PIGZ: variants seen among roughly 807,000 people sequenced by gnomAD.
The protein encoded by PIGZ is phosphatidylinositol glycan anchor biosynthesis class Z (Gwada blood group).
Under a neutral mutation model 16.4 loss-of-function variants are expected in PIGZ, and 16 were observed. The ratio of observed to expected loss-of-function variants is 0.97; its 90% confidence interval spans 0.66 to 1.48. The LOEUF (loss-of-function observed/expected upper bound fraction) is 1.48, where lower values mean the gene tolerates loss of function less well. Ranked by LOEUF, PIGZ falls within the 40% of genes most tolerant of loss-of-function variation. The probability of loss-of-function intolerance (pLI) is 0.00; values close to 1 mark genes in which losing one functional copy is unlikely to be tolerated. For synonymous variants in PIGZ, 409 were observed against 338.4 expected (o/e 1.21, Z -2.29); for missense variants, 770 against 739.2 (o/e 1.04, Z -0.48).
At chr3:196,951,723 T>C (rs1219001353) in intron 2 of PIGZ, 98 bp downstream of exon 2, 8 of 1,173,660 alleles carry the variant, frequency 6.8e-6, no homozygotes, top group South Asian at 1.3e-5. Flanking sequence ...TTACTACTCA[T>C]CTACCCAGAC....
Position 196,948,411 on chromosome 3 carries a change from C to G in PIGZ, c.486G>C (p.Leu162=), listed in dbSNP as rs760414950. ...GADRWNALAL[L]SGSYVTLVFY... The stretch of plus-strand genomic sequence containing the variant: ...AGACCAGGGTGACGTAGGAACCAGA[C>G]AGCAGGGCCAGGGCGTTCCAGCGAT... Residue 162 remains leucine (L), a synonymous_variant, in exon 3 of 3, where the codon CTG becomes CTC. Transcript: ENST00000412723. 6 of 1,614,038 alleles carry G rather than the reference C, an allele frequency of 3.7e-6. No homozygotes were observed. In the East Asian group the frequency reaches 6.7e-5, roughly 18 times the overall value.
At chr3:196,966,239 T>C (rs578005957) in intron 1 of PIGZ, among the ~76,000 whole-genome samples, 1 of 152,378 alleles carries the variant, frequency 6.6e-6, no homozygotes, top group African/African-American at 2.4e-5. Flanking sequence ...CGTTGCTCTC[T>C]GTCACTTGTT....
intron 1 of PIGZ, among the ~76,000 whole-genome samples, chr3:196,953,553 C>T (rs1560184783): frequency 6.6e-6 from 1 of 152,200 alleles, no homozygotes; most frequent in African/African-American, 2.4e-5. Flanking sequence ...ACTCAAAGAG[C>T]AGTGACAATC....
chr3:196,949,778 C>T (rs918620130), intron 2 of PIGZ, among the ~76,000 whole-genome samples: 2 of 151,816 alleles, frequency 1.3e-5, no homozygotes, highest in Non-Finnish European at 2.9e-5. Context: ...GTGTGGGAGG[C>T]GGGCAGGTGG....
In PIGZ at chr3:196,948,525, C is replaced by T. The variant is rs766820626; in HGVS notation, c.372G>A (p.Ala124=). 1.3e-5 allele frequency: 21 copies of T among 1,610,842 alleles called. No individual in the cohort carries two copies. In the East Asian group the frequency reaches 2.7e-4, roughly 21 times the overall value. The change falls in exon 3 of 3, where the codon GCG becomes GCA. Residue 124 remains alanine (A), a synonymous_variant. Coordinates refer to ENST00000412723, the MANE Select transcript of PIGZ (RefSeq NM_025163.4). ...GGAGGAGTCGAGGCCCCACCAGCAG[C>T]GCATAGCCGCTCACCAGGCCAGGCC... ...GPWPGLVSGY[A]LLVGPRLLLT... is the part of the protein sequence containing the mutation.
In PIGZ at chr3:196,947,435, C is replaced by T. The variant is rs1716942048; in HGVS notation, c.1462G>A (p.Gly488Arg). 3.1e-6 allele frequency: 5 copies of T among 1,613,802 alleles called. No individual in the cohort carries two copies. The highest frequency in any genetic ancestry group is 4.2e-6 in the Non-Finnish European group (5 of 1,180,024). Residue 488 changes from glycine to arginine, a missense_variant, in exon 3 of 3, where the codon GGG (glycine) becomes AGG (arginine). Coordinates refer to ENST00000412723, the MANE Select transcript of PIGZ (RefSeq NM_025163.4). Reference sequence around the variant, plus strand: ...CACAGGGCCCAGTCCTCAGTCCCCCCCATGTCCACCACCTCCACTGGTGCC... The same window carrying T: ...CACAGGGCCCAGTCCTCAGTCCCCCTCATGTCCACCACCTCCACTGGTGCC... Reference protein sequence around the residue: ...LGAPVEVVDMGGTEDWALCQT... With the variant: ...LGAPVEVVDMRGTEDWALCQT...
At chr3:196,955,455 T>C (rs577473006) in intron 1 of PIGZ, among the ~76,000 whole-genome samples, 1 of 152,222 alleles carries the variant, frequency 6.6e-6, no homozygotes, top group South Asian at 2.1e-4. Context: ...TTTTAATCTC[T>C]AGTTCTGTTT....
Position 196,949,012 on chromosome 3 carries a change from C to CT in PIGZ, c.212-328dup, listed in dbSNP as rs1340498944. ...CTTCCTTCCCTTTACTTCTCTTTCC[C>CT]TCCCCTCCCTTCCCTTCCTTCCCTT... On this transcript the variant is annotated intron_variant, in intron 2 of 2. Transcript: ENST00000412723. Among the ~76,000 whole-genome samples, 34 of 24,742 alleles carry CT rather than the reference C, an allele frequency of 1.4e-3. 3 individuals are homozygous for CT. Among genetic ancestry groups the CT allele is most frequent in the African/African-American group, 0.01 (30 of 2,896 alleles). 16.2% of individuals were successfully genotyped at this position (24,742 alleles called of 152,430 possible).
chr3:196,957,381 C>CTT lies in PIGZ; in HGVS notation c.1-5352_1-5351dup, dbSNP rs34320533. On this transcript the variant is annotated intron_variant, in intron 1 of 2. Coordinates refer to ENST00000412723, the MANE Select transcript of PIGZ (RefSeq NM_025163.4). Reference sequence around the variant, plus strand: ...TAGGGATGGAATAATTTTTTTCTTCCTTTTTTTTTTTTTCTTTCCGAGACA... The same window carrying CTT: ...TAGGGATGGAATAATTTTTTTCTTCCTTTTTTTTTTTTTTTCTTTCCGAGACA... Among the ~76,000 whole-genome samples, 1,150 of 143,560 alleles carry CTT rather than the reference C, an allele frequency of 8.0e-3. 16 individuals carry two copies. Among genetic ancestry groups the CTT allele is most frequent in the African/African-American group, 0.026 (1,026 of 38,964 alleles). 94.2% of individuals were successfully genotyped at this position (143,560 alleles called of 152,430 possible). A position where few individuals can be genotyped will look rare whatever the true frequency, so the allele number is the denominator to read the frequency against.
intron 1 of PIGZ, among the ~76,000 whole-genome samples, chr3:196,963,768 G>T (rs1717812077): frequency 1.3e-5 from 2 of 152,166 alleles, no homozygotes; most frequent in Admixed American, 1.3e-4. Context: ...GCTACACGTG[G>T]CTTCCACGGG....
rs371891611 is a variant in PIGZ at position 196,964,460 on chromosome 3, C to T, written c.-1+4227G>A. ...GCAACCTTTGTCTCCCAGGTTCAAGCGATTCTTCTGCCTCAGCCTCCTAAG... is the reference window on the plus strand; with the variant it reads ...GCAACCTTTGTCTCCCAGGTTCAAGTGATTCTTCTGCCTCAGCCTCCTAAG... On this transcript the variant is annotated intron_variant, in intron 1 of 2. Coordinates refer to ENST00000412723, the MANE Select transcript of PIGZ (RefSeq NM_025163.4). Among the ~76,000 whole-genome samples the T allele has an allele frequency of 3.0e-4, 46 of 152,158 alleles. 1 individual carries two copies. Among genetic ancestry groups the T allele is most frequent in the East Asian group, 2.1e-3 (11 of 5,170 alleles).
intron 1 of PIGZ, among the ~76,000 whole-genome samples, chr3:196,957,172 TGTGTGTG>T (rs1489490868): frequency 1.5e-4 from 3 of 20,630 alleles, no homozygotes; most frequent in African/African-American, 1.2e-3. Context: ...CTCCAGGTTT[TGTGTGTG>T]TGTGTGTGTG....
rs764784568 is a variant in PIGZ at position 196,947,104 on chromosome 3, G to T, written c.*53C>A. On this transcript the variant is annotated 3_prime_UTR_variant, in exon 3 of 3. Coordinates refer to ENST00000412723, the MANE Select transcript of PIGZ (RefSeq NM_025163.4). Reference sequence around the variant, plus strand: ...CAGCCCAGCTACCCAAGTAGAAGGTGGGGCGGCATCTTCTATGGCTGAGTC... The same window carrying T: ...CAGCCCAGCTACCCAAGTAGAAGGTTGGGCGGCATCTTCTATGGCTGAGTC... 2.6e-4 allele frequency: 383 copies of T among 1,476,932 alleles called. No individual in the cohort carries two copies. The highest frequency in any genetic ancestry group is 3.2e-4 in the Non-Finnish European group (355 of 1,100,658). The allele number at this position is 1,476,932 out of a possible 1,614,324, so 91.5% of individuals were successfully genotyped here.
At chr3:196,949,736 G>A (rs1274709406) in intron 2 of PIGZ, among the ~76,000 whole-genome samples, 1 of 152,176 alleles carries the variant, frequency 6.6e-6, no homozygotes, top group Non-Finnish European at 1.5e-5. Flanking sequence ...GCTTCCCCGG[G>A]AGATGAGGTG....
chr3:196,957,386 T>A (rs1717532949), intron 1 of PIGZ, among the ~76,000 whole-genome samples: 1 of 151,154 alleles, frequency 6.6e-6, no homozygotes, highest in South Asian at 2.1e-4. Flanking sequence ...TCTTCCTTTT[T>A]TTTTTTTTCT....
At chr3:196,966,900 G>A (rs987731200) in intron 1 of PIGZ, among the ~76,000 whole-genome samples, 1 of 152,150 alleles carries the variant, frequency 6.6e-6, no homozygotes, top group Admixed American at 6.5e-5. Context: ...GGGGTCGGTC[G>A]TCGGGAGGGC....
rs1323179050 is a variant in PIGZ, at chr3:196,947,597, C to T, written c.1300G>A (p.Gly434Ser). Residue 434 changes from glycine (G) to serine (S), a missense_variant, in exon 3 of 3, where the codon GGC becomes AGC. Transcript: ENST00000412723. ...AGGTACTCCAGGCCAGGCACCAGGCCCCCCTGATGCAGGCAGCCGAAGAGG... is the reference window on the plus strand; with the variant it reads ...AGGTACTCCAGGCCAGGCACCAGGCTCCCCTGATGCAGGCAGCCGAAGAGG... ...ALLFGCLHQG[G>S]LVPGLEYLEQ... The T allele has an allele frequency of 1.2e-6, 2 of 1,613,686 alleles. No individual in the cohort carries two copies. The highest frequency in any genetic ancestry group is 2.2e-5 in the East Asian group (1 of 44,882).
At chr3:196,966,070 A>G (rs986581455) in intron 1 of PIGZ, among the ~76,000 whole-genome samples, 6 of 152,182 alleles carry the variant, frequency 3.9e-5, no homozygotes, top group African/African-American at 1.4e-4. Flanking sequence ...TCGTGAGTAG[A>G]ATTCGGTGCT....
intron 1 of PIGZ, among the ~76,000 whole-genome samples, chr3:196,966,628 G>A (rs1717937513): frequency 6.6e-6 from 1 of 152,208 alleles, no homozygotes; most frequent in Admixed American, 6.5e-5. Context: ...GTGGGGCATC[G>A]ACCATAACAA....
Sources: gnomAD v4.1 joint callset for allele counts (sites outside exome capture counted in the v4.1 genomes callset) on GRCh38, gnomAD v4.1.1 for gene constraint, MANE v1.5 for transcripts, NCBI Gene and HGNC (gene_info 2026-07-23, HGNC 2026-07-21) for gene names.